Variants in KIF26B observed in about 807,000 individuals in gnomAD.
KIF26B encodes the protein kinesin-like protein KIF26B.
KIF26B carries 63 observed loss-of-function variants against 151.2 expected under a neutral mutation model. That is an observed-to-expected ratio of 0.42 (90% CI 0.34 to 0.51). KIF26B has a LOEUF of 0.51. Ranked by LOEUF, KIF26B falls within the 20% of genes least tolerant of loss-of-function variation. KIF26B has a pLI of 0.07. For missense variants in KIF26B, 2,813 were observed against 2,913.6 expected, an observed-to-expected ratio of 0.97 and a Z score of 0.79; for synonymous variants, 1,357 against 1,262.1, an observed-to-expected ratio of 1.08 and a Z score of -1.59.
intron 4 of KIF26B, among the ~76,000 whole-genome samples, chr1:245,449,531 C>T (rs981585376): frequency 1.3e-5 from 2 of 152,154 alleles, no homozygotes; most frequent in African/African-American, 4.8e-5. Flanking sequence ...TCAAGAGCTC[C>T]ATTTGTGTCA....
intron 10 of KIF26B, among the ~76,000 whole-genome samples, chr1:245,665,983 G>A (rs939400853): frequency 1.3e-5 from 2 of 150,244 alleles, no homozygotes; most frequent in Non-Finnish European, 3.0e-5. Flanking sequence ...ACTGCTCCTG[G>A]CTGGAACATT....
intron 2 of KIF26B, among the ~76,000 whole-genome samples, chr1:245,280,296 G>A: frequency 6.6e-6 from 1 of 150,934 alleles, no homozygotes; most frequent in Non-Finnish European, 1.5e-5. Flanking sequence ...GGTGGATCAT[G>A]AGGTCAGGAG....
At chr1:245,593,548 C>T (rs2043311281) in intron 5 of KIF26B, among the ~76,000 whole-genome samples, 1 of 152,172 alleles carries the variant, frequency 6.6e-6, no homozygotes, top group Admixed American at 6.5e-5. Context: ...ATATGTGCCA[C>T]ATTTTCTTTA....
At chr1:245,356,038 GAT>G (rs1558400769) in intron 2 of KIF26B, among the ~76,000 whole-genome samples, 1 of 152,126 alleles carries the variant, frequency 6.6e-6, no homozygotes, top group African/African-American at 2.4e-5. Context: ...CAGAGATTCT[GAT>G]ACAGGGGGTC....
At chr1:245,164,531 A>G (rs1414792645) in intron 2 of KIF26B, among the ~76,000 whole-genome samples, 2 of 152,232 alleles carry the variant, frequency 1.3e-5, no homozygotes, top group Admixed American at 6.5e-5. Context: ...GGCGAAGCGT[A>G]AGCGTTCCAG....
intron 3 of KIF26B, among the ~76,000 whole-genome samples, chr1:245,385,672 G>C (rs761019809): frequency 1.3e-5 from 2 of 152,198 alleles, no homozygotes; most frequent in African/African-American, 2.4e-5. Context: ...CATTTAAAGA[G>C]GGCAAAACAT....
intron 12 of KIF26B, among the ~76,000 whole-genome samples, chr1:245,694,138 C>T (rs184381003): frequency 1.3e-5 from 2 of 152,340 alleles, no homozygotes; most frequent in East Asian, 3.9e-4. Flanking sequence ...CTTTGTGGCC[C>T]TGGAGAACCT....
intron 10 of KIF26B, among the ~76,000 whole-genome samples, chr1:245,659,568 T>C (rs771712456): frequency 2.6e-5 from 4 of 152,196 alleles, no homozygotes; most frequent in Non-Finnish European, 5.9e-5. Context: ...TACCGGGTTA[T>C]TTTGACAAAT....
At chr1:245,378,900 T>C (rs79042136) in intron 3 of KIF26B, among the ~76,000 whole-genome samples, 7,783 of 152,242 alleles carry the variant, frequency 0.051, 294 homozygotes, top group African/African-American at 0.1. Flanking sequence ...CTTCCAGAGC[T>C]GTTGTTGGGA....
At chr1:245,172,669 A>G (rs937339799) in intron 2 of KIF26B, among the ~76,000 whole-genome samples, 2 of 152,046 alleles carry the variant, frequency 1.3e-5, no homozygotes, top group Non-Finnish European at 2.9e-5. Context: ...AATTAGCCAG[A>G]TGTGGTTGTA....
chr1:245,233,467 T>A lies in KIF26B; in HGVS notation c.465+76784T>A, dbSNP rs60230755. On this transcript the variant is annotated intron_variant, in intron 2 of 14. Transcript: ENST00000407071. ...AGTGGAAAGATATTACCTGGGTACTTGTTAGAAAATGCAGAATTCCAGTCC... is the reference window on the plus strand; with the variant it reads ...AGTGGAAAGATATTACCTGGGTACTAGTTAGAAAATGCAGAATTCCAGTCC... 7.9e-3 allele frequency among the ~76,000 whole-genome samples: 1,196 copies of A among 152,306 alleles called. 12 individuals are homozygous for A. Among genetic ancestry groups the A allele is most frequent in the African/African-American group, 0.026 (1,096 of 41,574 alleles).
chr1:245,641,501 A>T (rs2043891393), intron 9 of KIF26B, among the ~76,000 whole-genome samples: 1 of 151,918 alleles, frequency 6.6e-6, no homozygotes, highest in African/African-American at 2.4e-5. Flanking sequence ...CATAGGTCCC[A>T]TAAGCTTTGT....
Position 245,602,695 on chromosome 1 carries a change from G to A in KIF26B, c.1469G>A (p.Gly490Glu). Residue 490 changes from glycine to glutamate, a missense_variant, in exon 6 of 15, where the codon GGA (glycine) becomes GAA (glutamate). Physicochemically the swap from Gly to Glu is moderately conservative, Grantham distance 98. Transcript: ENST00000407071. This position sits in a 1 kb window ranked among gnomAD's most constrained non-coding sequence, Gnocchi z 4.5. ...QITLYDPLTC[G>E]GQNAFQKRGN... ...ACCTTGTACGATCCCCTGACTTGTG[G>A]AGGTCAAAATGCCTTCCAAAAGAGA... is the stretch of plus-strand genomic sequence containing the variant. 6.2e-7 allele frequency: 1 copy of A among 1,614,048 alleles called. No individual in the cohort carries two copies.
chr1:245,482,983 A>T (rs955384351), intron 4 of KIF26B, among the ~76,000 whole-genome samples: 3 of 151,732 alleles, frequency 2.0e-5, no homozygotes, highest in Non-Finnish European at 4.4e-5. Context: ...AAGCTGTTGG[A>T]AAAAGCTTCC....
chr1:245,366,861 G>A lies in KIF26B; in HGVS notation c.493G>A (p.Asp165Asn), dbSNP rs774491826. Residue 165 changes from aspartate (D) to asparagine (N), a missense_variant, in exon 3 of 15, where the codon GAC (aspartate) becomes AAC (asparagine). Transcript: ENST00000407071. ...CCCTGCTTTCTCGGCTGTGATTCAC[G>A]ACAAACTCCAGGTCCCCAACACCAT... is the stretch of plus-strand genomic sequence containing the variant. The part of the protein sequence containing the change: ...KDPAFSAVIH[D>N]KLQVPNTIRK... 40 of 1,613,788 alleles carry A rather than the reference G, an allele frequency of 2.5e-5. No homozygotes were observed. Among genetic ancestry groups the A allele is most frequent in the East Asian group, 4.5e-5 (2 of 44,882 alleles).
chr1:245,231,557 G>T (rs997891887), intron 2 of KIF26B, among the ~76,000 whole-genome samples: 2 of 152,074 alleles, frequency 1.3e-5, no homozygotes, highest in African/African-American at 4.8e-5. Context: ...ATTCTTTATG[G>T]AAAAAAGAAG....
At chr1:245,345,901 CCA>C (rs1672444178) in intron 2 of KIF26B, among the ~76,000 whole-genome samples, 1 of 151,670 alleles carries the variant, frequency 6.6e-6, no homozygotes, top group Non-Finnish European at 1.5e-5. Context: ...TGTAAATTCC[CCA>C]GTCTCAGGTA....
At chr1:245,567,378 G>A (rs951103763) in intron 5 of KIF26B, among the ~76,000 whole-genome samples, 15 of 152,110 alleles carry the variant, frequency 9.9e-5, no homozygotes, top group African/African-American at 2.9e-4. Context: ...AGTGATGGAC[G>A]AAGCTGTGCC....
At chr1:245,631,882 C>CTAAT (rs1343384487) in intron 9 of KIF26B, among the ~76,000 whole-genome samples, 7 of 152,024 alleles carry the variant, frequency 4.6e-5, no homozygotes, top group African/African-American at 1.4e-4. Context: ...TCATAAGACT[C>CTAAT]TAATCATTTG....
Sources: allele counts gnomAD v4.1 joint callset (sites outside exome capture counted in the v4.1 genomes callset), GRCh38; gene constraint gnomAD v4.1.1; non-coding constraint Gnocchi (gnomAD v3.1); transcripts MANE v1.5; gene names NCBI Gene and HGNC (gene_info 2026-07-23, HGNC 2026-07-21).